Variants in ATG2B observed in about 807,000 individuals in gnomAD.
ATG2B encodes the protein autophagy-related protein 2 homolog B.
A neutral mutation model predicts 241.3 loss-of-function variants in ATG2B; 121 were observed. That is an observed-to-expected ratio of 0.50 (90% CI 0.43 to 0.58). The LOEUF is 0.58. Among genes scored for constraint, ATG2B ranks in the 20% least tolerant of loss-of-function variants. ATG2B has a pLI of 0.00. For synonymous variants in ATG2B, 858 were observed against 876.6 expected (o/e 0.98, Z 0.37); for missense variants, 2,306 against 2,491.6 (o/e 0.93, Z 1.59).
intron 5 of ATG2B, among the ~76,000 whole-genome samples, chr14:96,342,700 C>A (rs573651066): frequency 7.3e-6 from 1 of 136,538 alleles, no homozygotes; most frequent in Non-Finnish European, 1.5e-5. Context: ...CCAGCCTGGG[C>A]GACAAGAGAC....
intron 18 of ATG2B, among the ~76,000 whole-genome samples, chr14:96,319,984 G>A (rs1281767397): frequency 1.3e-5 from 2 of 152,094 alleles, no homozygotes; most frequent in Admixed American, 1.3e-4. Flanking sequence ...AATTCTAGGG[G>A]CCTGAGAGAC....
At chr14:96,296,011 T>A (rs1025482393) in intron 34 of ATG2B, among the ~76,000 whole-genome samples, 12 of 152,178 alleles carry the variant, frequency 7.9e-5, no homozygotes, top group African/African-American at 2.9e-4. Context: ...TGGAGTGCAG[T>A]GGCACAATCT....
chr14:96,358,765 T>C (rs917691763), intron 1 of ATG2B, among the ~76,000 whole-genome samples: 1 of 152,162 alleles, frequency 6.6e-6, no homozygotes, highest in Non-Finnish European at 1.5e-5. Context: ...AAGTATTTTT[T>C]TTTTTTTAGT....
At chr14:96,361,552 C>A (rs1888628115) in intron 1 of ATG2B, among the ~76,000 whole-genome samples, 1 of 152,042 alleles carries the variant, frequency 6.6e-6, no homozygotes, top group South Asian at 2.1e-4. Context: ...TTGTTGAATT[C>A]AAAAATATCC....
rs181297915 is a variant in ATG2B, at chr14:96,299,015, G to A, written c.5139+2992C>T. ...ATAAAGGATATTAATACTGCACTAT[G>A]ACTTACAGTGTTAAAAGAATTCCTT... On this transcript the variant is annotated intron_variant, in intron 34 of 41. Coordinates refer to ENST00000359933, the MANE Select transcript of ATG2B (RefSeq NM_018036.7). Among the ~76,000 whole-genome samples the A allele has an allele frequency of 3.8e-3, 584 of 152,260 alleles. 2 individuals are homozygous for A. The Middle Eastern group carries it at 0.041, about 11-fold the overall frequency.
Position 96,290,538 on chromosome 14 carries a change from A to G in ATG2B, c.5754T>C (p.Asp1918=), listed in dbSNP as rs1469244163. 5 of 1,614,224 alleles carry G rather than the reference A, an allele frequency of 3.1e-6. No homozygotes were observed. The change falls in exon 40 of 42, where the codon GAT becomes GAC. Residue 1918 remains aspartate, a synonymous_variant. Coordinates refer to ENST00000359933, the MANE Select transcript of ATG2B (RefSeq NM_018036.7). The surrounding 1 kb of genome is among the most constrained non-coding windows in gnomAD (Gnocchi z 4.4). Reference sequence around the variant, plus strand: ...TCTGAAACCCTCTGACAATGCGGCCATCCTTCCGGTACTGCTCTATTGGGA... The same window carrying G: ...TCTGAAACCCTCTGACAATGCGGCCGTCCTTCCGGTACTGCTCTATTGGGA... The part of the protein sequence containing the change: ...VWLPIEQYRK[D]GRIVRGFQRG...
chr14:96,299,087 T>C (rs1293474608), intron 34 of ATG2B, among the ~76,000 whole-genome samples: 1 of 152,178 alleles, frequency 6.6e-6, no homozygotes, highest in Non-Finnish European at 1.5e-5. Flanking sequence ...AAAAACACAA[T>C]TGTGCAAACT....
At chr14:96,332,264 T>G (rs747183766) in intron 10 of ATG2B, 41 bp downstream of exon 10, 7 of 1,502,300 alleles carry the variant, frequency 4.7e-6, no homozygotes, top group Middle Eastern at 1.7e-4. Flanking sequence ...ATTTTAAAAA[T>G]TCCAGCGGAA....
At chr14:96,326,841 C>G (rs1369660625) in intron 14 of ATG2B, among the ~76,000 whole-genome samples, 1 of 152,136 alleles carries the variant, frequency 6.6e-6, no homozygotes, top group Non-Finnish European at 1.5e-5. Flanking sequence ...ACTATGGGTG[C>G]AAGCCACCAC....
At chr14:96,350,240 A>G (rs111583857) in intron 1 of ATG2B, among the ~76,000 whole-genome samples, 1,624 of 152,322 alleles carry the variant, frequency 0.011, 29 homozygotes, top group African/African-American at 0.037. Flanking sequence ...ACAGTGTAAA[A>G]TGAGAGGTGG....
chr14:96,324,000 T>TAAA lies in ATG2B; in HGVS notation c.2438-5_2438-3dup. On this transcript the variant is annotated splice_polypyrimidine_tract_variant and splice_region_variant and intron_variant, in intron 15 of 41. Transcript: ENST00000359933. Reference sequence around the variant, plus strand: ...CTCCTTTCTCTTCCTGGAACGATCCTAAAAAAAAAGACTGATTTACTGAAA... The same window carrying TAAA: ...CTCCTTTCTCTTCCTGGAACGATCCTAAAAAAAAAAAAGACTGATTTACTGAAA... The TAAA allele has an allele frequency of 1.3e-6, 2 of 1,521,564 alleles. No homozygotes were observed. Among genetic ancestry groups the TAAA allele is most frequent in the Non-Finnish European group, 1.8e-6 (2 of 1,122,082 alleles). The allele number at this position is 1,521,564 out of a possible 1,614,324, so 94.3% of individuals were successfully genotyped here.
intron 1 of ATG2B, among the ~76,000 whole-genome samples, chr14:96,356,399 C>A (rs1888477011): frequency 6.6e-6 from 1 of 151,992 alleles, no homozygotes; most frequent in African/African-American, 2.4e-5. Context: ...ACTGCGGAAA[C>A]CCACAAAAAA....
chr14:96,300,426 T>C (rs1886758009), intron 34 of ATG2B, among the ~76,000 whole-genome samples: 1 of 152,040 alleles, frequency 6.6e-6, no homozygotes. Context: ...TTCAGGAGTC[T>C]GAGGCGGGAG....
intron 33 of ATG2B, 53 bp from the exon 34 acceptor site, chr14:96,302,161 T>A (rs1042719129): frequency 2.7e-6 from 3 of 1,127,970 alleles, no homozygotes; most frequent in Non-Finnish European, 4.0e-6. Flanking sequence ...GATGACCTTC[T>A]TCTCTTTAAA....
At chr14:96,319,149 G>A (rs1195694418) in intron 18 of ATG2B, among the ~76,000 whole-genome samples, 2 of 152,212 alleles carry the variant, frequency 1.3e-5, no homozygotes, top group Non-Finnish European at 2.9e-5. Context: ...TTGAGCTTCT[G>A]AAGTCCTAGA....
intron 2 of ATG2B, 53 bp from the exon 3 acceptor site, chr14:96,345,438 C>T: frequency 4.5e-6 from 6 of 1,334,216 alleles, no homozygotes; most frequent in Non-Finnish European, 6.1e-6. Context: ...TACAACAATG[C>T]CAGTTCTTAA....
At chr14:96,353,930 C>T (rs1028286774) in intron 1 of ATG2B, among the ~76,000 whole-genome samples, 1 of 151,928 alleles carries the variant, frequency 6.6e-6, no homozygotes, top group East Asian at 1.9e-4. Context: ...CATTTTTTAA[C>T]GGATAATGTG....
In ATG2B at chr14:96,290,724, C is replaced by T. The variant is rs1028471083; in HGVS notation, c.5701+90G>A. 5 of 1,541,216 alleles carry T rather than the reference C, an allele frequency of 3.2e-6. No individual in the cohort carries two copies. The African/African-American group carries it at 5.5e-5, about 17-fold the overall frequency. On this transcript the variant is annotated intron_variant, in intron 39 of 41. Transcript: ENST00000359933. The surrounding 1 kb of genome is among the most constrained non-coding windows in gnomAD (Gnocchi z 4.4). ...TGAGTACATATGTGAGTTTTCTAGA[C>T]TAATGGTCCTCACATAAGTTCTCAA...
rs758305627 is a variant in ATG2B at position 96,315,565 on chromosome 14, A to C, written c.3380T>G (p.Ile1127Ser). The change falls in exon 22 of 42, where the codon ATT becomes AGT. Residue 1127 changes from isoleucine (I) to serine (S), a missense_variant. Physicochemically the swap from Ile to Ser is moderately radical, Grantham distance 142. Coordinates refer to ENST00000359933, the MANE Select transcript of ATG2B (RefSeq NM_018036.7). ...GGGAAGTCGTGTTTCTGTCGGGAGAATCACTCCATTCACTATGCCTAGAGA... is the reference window on the plus strand; with the variant it reads ...GGGAAGTCGTGTTTCTGTCGGGAGACTCACTCCATTCACTATGCCTAGAGA... ...LYHKGIVNGVILPTETRLPSS... is the reference protein window; with the variant it reads ...LYHKGIVNGVSLPTETRLPSS... The C allele has an allele frequency of 2.5e-6, 4 of 1,613,806 alleles. No individual in the cohort carries two copies.
Sources: allele counts gnomAD v4.1 joint callset (sites outside exome capture counted in the v4.1 genomes callset), GRCh38; gene constraint gnomAD v4.1.1; non-coding constraint Gnocchi (gnomAD v3.1); transcripts MANE v1.5; gene names NCBI Gene and HGNC (gene_info 2026-07-23, HGNC 2026-07-21).